ACAP2: variants seen among roughly 807,000 people sequenced by gnomAD.
ACAP2 encodes the protein ArfGAP with coiled-coil, ankyrin repeat and PH domains 2.
A neutral mutation model predicts 115.8 loss-of-function variants in ACAP2; 39 were observed. The ratio of observed to expected loss-of-function variants is 0.34; its 90% CI spans 0.26 to 0.44. The LOEUF (loss-of-function observed/expected upper bound fraction) is 0.44, where lower values mean the gene tolerates loss of function less well. Ranked by LOEUF, ACAP2 falls within the 20% of genes least tolerant of loss-of-function variation. The pLI, the probability that ACAP2 is intolerant of heterozygous loss-of-function variation, is 1.00. For synonymous variants in ACAP2, 289 were observed against 315.8 expected, an observed-to-expected ratio of 0.92 and a Z score of 0.90; for missense variants, 662 against 927.6, an observed-to-expected ratio of 0.71 and a Z score of 3.72.
chr3:195,307,465 A>G (rs1375648622), intron 11 of ACAP2, 142 bp from the exon 12 acceptor site: 2 of 559,152 alleles, frequency 3.6e-6, no homozygotes, highest in African/African-American at 3.8e-5. Flanking sequence ...GGTTATCAAT[A>G]TAGACATAAA....
intron 15 of ACAP2, 32 bp downstream of exon 15, chr3:195,301,543 A>G: frequency 6.8e-7 from 1 of 1,478,016 alleles, no homozygotes; most frequent in Non-Finnish European, 9.3e-7. Context: ...ATGTGAAAAT[A>G]TGAAATATTT....
intron 4 of ACAP2, among the ~76,000 whole-genome samples, chr3:195,371,482 G>C (rs570567395): frequency 4.6e-5 from 7 of 152,178 alleles, no homozygotes; most frequent in Non-Finnish European, 5.9e-5. Flanking sequence ...TCTAGATATA[G>C]CATCAAGTCA....
At chr3:195,302,567 A>G (rs2108967238) in intron 13 of ACAP2, among the ~76,000 whole-genome samples, 1 of 152,110 alleles carries the variant, frequency 6.6e-6, no homozygotes, top group Middle Eastern at 3.4e-3. Flanking sequence ...CGTTCAATAA[A>G]CTTTAAGCTA....
rs2108880635 is a variant in ACAP2, at chr3:195,279,195, T to C, written c.*133A>G. ...ATGTTTTAATTTATAAATATATGAA[T>C]GGGTACCTCTTTTCCAAGCCATTCA... On this transcript the variant is annotated 3_prime_UTR_variant, in exon 23 of 23. Coordinates refer to ENST00000326793, the MANE Select transcript of ACAP2 (RefSeq NM_012287.6). 1.7e-6 allele frequency: 1 copy of C among 579,782 alleles called. No individual in the cohort carries two copies. The highest frequency in any genetic ancestry group is 2.4e-5 in the South Asian group (1 of 40,882). The allele number at this position is 579,782 out of a possible 1,614,324, so 35.9% of individuals were successfully genotyped here.
At chr3:195,396,692 C>A (rs1711801526) in intron 1 of ACAP2, among the ~76,000 whole-genome samples, 1 of 142,724 alleles carries the variant, frequency 7.0e-6, no homozygotes, top group African/African-American at 2.6e-5. Flanking sequence ...CAGGCTGAGG[C>A]AGGAGAATTG....
At chr3:195,387,587 G>A (rs565286752) in intron 2 of ACAP2, among the ~76,000 whole-genome samples, 31 of 152,184 alleles carry the variant, frequency 2.0e-4, no homozygotes, top group Non-Finnish European at 4.1e-4. Context: ...AGTGGCGCAC[G>A]CACACAACCA....
chr3:195,275,495 C>T lies in ACAP2; in HGVS notation c.*3833G>A, dbSNP rs1016166061. 6.6e-6 allele frequency: 1 copy of T among 152,204 alleles called. No homozygotes were observed. The highest frequency in any genetic ancestry group is 2.4e-5 in the African/African-American group (1 of 41,442). 9.4% of individuals were successfully genotyped at this position (152,204 alleles called of 1,614,324 possible). ...CCAATCTAGCCCTTCAAACTTTTAT[C>T]CAGGTTCTCCAGAATATTTGGAGTC... is the stretch of plus-strand genomic sequence containing the variant. On this transcript the variant is annotated 3_prime_UTR_variant, in exon 23 of 23. Coordinates refer to ENST00000326793, the MANE Select transcript of ACAP2 (RefSeq NM_012287.6).
intron 2 of ACAP2, among the ~76,000 whole-genome samples, chr3:195,390,024 C>T (rs947500025): frequency 1.3e-5 from 2 of 152,138 alleles, no homozygotes; most frequent in Admixed American, 6.6e-5. Context: ...GGTGAAATCC[C>T]GTCTCTACTA....
At chr3:195,418,034 C>T (rs755621282) in intron 1 of ACAP2, among the ~76,000 whole-genome samples, 36 of 152,272 alleles carry the variant, frequency 2.4e-4, no homozygotes, top group Non-Finnish European at 4.1e-4. Flanking sequence ...ACTCAAAAGG[C>T]CCATGATCTG....
chr3:195,338,789 A>G (rs1428762266), intron 6 of ACAP2, among the ~76,000 whole-genome samples: 1 of 152,008 alleles, frequency 6.6e-6, no homozygotes, highest in Non-Finnish European at 1.5e-5. Context: ...AGAATCATTC[A>G]CTCTTTGCCA....
chr3:195,348,295 A>G (rs1028275350), intron 4 of ACAP2, among the ~76,000 whole-genome samples: 9 of 151,598 alleles, frequency 5.9e-5, no homozygotes, highest in African/African-American at 9.7e-5. Flanking sequence ...CATACCTTAA[A>G]AAATAAAAAG....
At position 195,291,127 on chromosome 3, in the gene ACAP2, C is replaced by T. The variant is rs189438798; in HGVS notation, c.2063+579G>A. 2.9e-3 allele frequency among the ~76,000 whole-genome samples: 438 copies of T among 152,248 alleles called. 4 individuals carry two copies. The highest frequency in any genetic ancestry group is 0.01 in the African/African-American group (424 of 41,566). ...CTTATTAAGAAACAAGCGTTTAAGA[C>T]ACAAATTTTTCACATAAAGCCAGCA... On this transcript the variant is annotated intron_variant, in intron 20 of 22. Coordinates refer to ENST00000326793, the MANE Select transcript of ACAP2 (RefSeq NM_012287.6).
chr3:195,313,890 C>T (rs1728917491), intron 10 of ACAP2, among the ~76,000 whole-genome samples: 1 of 152,122 alleles, frequency 6.6e-6, no homozygotes, highest in South Asian at 2.1e-4. Flanking sequence ...GAAGCTGCCA[C>T]ACTGAGAAAA....
rs1170252575 is a variant in ACAP2 at position 195,342,532 on chromosome 3, G to A, written c.467C>T (p.Thr156Ile). ...RNKQHEVEEA[T>I]NILTATRKCF... ...TTTTCTTGTTGCTGTCAGAATGTTG[G>A]TGGCTTCTTCAACTTCATGTTGTTT... The change falls in exon 6 of 23, where the codon ACC becomes ATC. Residue 156 changes from threonine to isoleucine, a missense_variant. By Grantham distance (89) the Thr-to-Ile change is moderately conservative. Around this residue, in one of 3 missense-constraint regions of ACAP2, gnomAD observed 401 missense variants for 604.4 expected, o/e 0.66. Transcript: ENST00000326793. The A allele has an allele frequency of 3.1e-6, 5 of 1,612,720 alleles. No individual in the cohort carries two copies. The highest frequency in any genetic ancestry group is 2.2e-5 in the South Asian group (2 of 90,534).
intron 22 of ACAP2, among the ~76,000 whole-genome samples, chr3:195,284,139 A>G (rs1454596723): frequency 6.6e-6 from 1 of 152,204 alleles, no homozygotes; most frequent in Non-Finnish European, 1.5e-5. Context: ...GAACTTCATC[A>G]GCAGACACCG....
intron 1 of ACAP2, among the ~76,000 whole-genome samples, chr3:195,420,031 G>A (rs1451021593): frequency 6.6e-6 from 1 of 152,038 alleles, no homozygotes; most frequent in Non-Finnish European, 1.5e-5. Flanking sequence ...GACTGACATT[G>A]CATTTATATT....
At chr3:195,382,079 T>G in intron 2 of ACAP2, 57 bp from the exon 3 acceptor site, 7 of 1,541,406 alleles carry the variant, frequency 4.5e-6, no homozygotes, top group Non-Finnish European at 6.2e-6. Flanking sequence ...ATTACTTAGT[T>G]GAACAAGTGT....
chr3:195,398,518 TC>T (rs1205165934), intron 1 of ACAP2, among the ~76,000 whole-genome samples: 1 of 151,796 alleles, frequency 6.6e-6, no homozygotes, highest in Non-Finnish European at 1.5e-5. Flanking sequence ...ATGCCTGTAA[TC>T]CCCGCTACTC....
chr3:195,389,001 G>A (rs1298557107), intron 2 of ACAP2, among the ~76,000 whole-genome samples: 3 of 151,282 alleles, frequency 2.0e-5, no homozygotes, highest in East Asian at 1.9e-4. Flanking sequence ...TCCAGCCTGG[G>A]TGACAGAGCA....
Sources: gnomAD v4.1 joint callset for allele counts (sites outside exome capture counted in the v4.1 genomes callset) on GRCh38, gnomAD v4.1.1 for gene constraint, gnomAD v4.1.1 regional missense constraint, MANE v1.5 for transcripts, NCBI Gene and HGNC (gene_info 2026-07-23, HGNC 2026-07-21) for gene names.